The following PRELP variants were observed in gnomAD, a reference collection of about 807,000 sequenced individuals.
The protein encoded by PRELP is proline and arginine rich end leucine rich repeat protein.
PRELP carries 16 observed loss-of-function variants against 22.8 expected under a neutral mutation model. That is an observed-to-expected ratio of 0.70 (90% CI 0.47 to 1.06). PRELP has a LOEUF of 1.06. Ranked by LOEUF, PRELP falls within the 50% of genes least tolerant of loss-of-function variation. The probability of loss-of-function intolerance (pLI) is 0.00; values close to 1 mark genes in which losing one functional copy is unlikely to be tolerated. For missense variants in PRELP, 434 were observed against 485.2 expected, an observed-to-expected ratio of 0.89 and a Z score of 0.99; for synonymous variants, 233 against 211.4, an observed-to-expected ratio of 1.10 and a Z score of -0.89.
intron 2 of PRELP, among the ~76,000 whole-genome samples, chr1:203,485,407 T>A (rs996271206): frequency 5.9e-5 from 9 of 152,148 alleles, no homozygotes; most frequent in African/African-American, 2.2e-4. Flanking sequence ...GCCCACCCCA[T>A]CCAGCCTGTC....
At chr1:203,486,663 C>A (rs750832838) in intron 2 of PRELP, 43 bp from the exon 3 acceptor site, 1 of 1,559,672 alleles carries the variant, frequency 6.4e-7, no homozygotes, top group Admixed American at 1.7e-5. Flanking sequence ...TCTTGGCCGC[C>A]AGCCTCCACT....
In PRELP at chr1:203,486,894, C is replaced by A; in HGVS notation, c.*13C>A. The stretch of plus-strand genomic sequence containing the variant: ...CGTGGTCATCTAGGCCCTACTCCGC[C>A]ACCGGATCTGCTCTGACCGCACTTG... On this transcript the variant is annotated 3_prime_UTR_variant, in exon 3 of 3. Transcript: ENST00000343110. 1.2e-6 allele frequency: 2 copies of A among 1,608,358 alleles called. No homozygotes were observed. The highest frequency in any genetic ancestry group is 4.5e-5 in the East Asian group (2 of 44,626).
At chr1:203,481,477 T>G (rs774107911) in intron 1 of PRELP, among the ~76,000 whole-genome samples, 5 of 152,214 alleles carry the variant, frequency 3.3e-5, no homozygotes, top group Non-Finnish European at 7.3e-5. Flanking sequence ...ACCCTTGCAA[T>G]GTATCTCTGA....
chr1:203,481,330 C>T (rs545894283), intron 1 of PRELP, among the ~76,000 whole-genome samples: 1 of 152,220 alleles, frequency 6.6e-6, no homozygotes, highest in South Asian at 2.1e-4. Context: ...AATTTATATG[C>T]AAGATGACTG....
Position 203,485,742 on chromosome 1 carries a change from C to T in PRELP, c.974-964C>T, listed in dbSNP as rs116448150. Among the ~76,000 whole-genome samples, 592 of 148,454 alleles carry T rather than the reference C, an allele frequency of 4.0e-3. 2 individuals carry two copies. The highest frequency in any genetic ancestry group is 0.014 in the African/African-American group (570 of 40,338). On this transcript the variant is annotated intron_variant, in intron 2 of 2. Coordinates refer to ENST00000343110, the MANE Select transcript of PRELP (RefSeq NM_002725.4). ...AAGACAATTACAATGAAGATGATGC[C>T]TACTCTTCCTCCTCCTGCTCCTCCA... is the stretch of plus-strand genomic sequence containing the variant.
chr1:203,488,968 A>G lies in PRELP; in HGVS notation c.*2087A>G, dbSNP rs1661144584. The G allele has an allele frequency of 6.6e-6, 1 of 152,436 alleles. No individual in the cohort carries two copies. Among genetic ancestry groups the G allele is most frequent in the Non-Finnish European group, 1.5e-5 (1 of 68,048 alleles). 9.4% of individuals were successfully genotyped at this position (152,436 alleles called of 1,614,324 possible). On this transcript the variant is annotated 3_prime_UTR_variant, in exon 3 of 3. Coordinates refer to ENST00000343110, the MANE Select transcript of PRELP (RefSeq NM_002725.4). ...GGGTCCCTAACTTCAAGAAATTCCC[A>G]TTATGCTCCTTCTCACCTTTCTTTT...
At chr1:203,481,780 A>G (rs916913324) in intron 1 of PRELP, among the ~76,000 whole-genome samples, 1 of 152,082 alleles carries the variant, frequency 6.6e-6, no homozygotes, top group Non-Finnish European at 1.5e-5. Context: ...GAGTGTGCAG[A>G]CTGGATCTGC....
intron 2 of PRELP, 68 bp downstream of exon 2, chr1:203,484,225 C>A: frequency 6.4e-7 from 1 of 1,554,916 alleles, no homozygotes. Context: ...TCCACCCTCT[C>A]TAGGGAGACT....
intron 1 of PRELP, among the ~76,000 whole-genome samples, chr1:203,479,706 C>CA (rs397844598): frequency 0.046 from 2,438 of 52,516 alleles, 274 homozygotes; most frequent in Non-Finnish European, 0.061. Flanking sequence ...CCTGTATCAC[C>CA]AAAAAAAAAA....
At chr1:203,478,642 CTG>C (rs1167530574) in intron 1 of PRELP, among the ~76,000 whole-genome samples, 2 of 152,138 alleles carry the variant, frequency 1.3e-5, no homozygotes, top group African/African-American at 4.8e-5. Flanking sequence ...GATAAGAAAA[CTG>C]AGGCCCAGAA....
At chr1:203,476,271 T>A (rs144358329) in intron 1 of PRELP, among the ~76,000 whole-genome samples, 276 of 152,328 alleles carry the variant, frequency 1.8e-3, no homozygotes, top group African/African-American at 6.1e-3. Context: ...CCAGAACCCA[T>A]TTCTTTGCAC....
Position 203,483,571 on chromosome 1 carries a change from A to G in PRELP, c.387A>G (p.Arg129=). ...VESFQNATGL[R]WINLDNNRIR... Reference sequence around the variant, plus strand: ...CCTTCCAGAATGCCACAGGCCTGCGATGGATTAACCTGGACAACAACCGAA... The same window carrying G: ...CCTTCCAGAATGCCACAGGCCTGCGGTGGATTAACCTGGACAACAACCGAA... Residue 129 remains arginine (R), a synonymous_variant, in exon 2 of 3, where the codon CGA becomes CGG. Coordinates refer to ENST00000343110, the MANE Select transcript of PRELP (RefSeq NM_002725.4). The surrounding 1 kb of genome is among the most constrained non-coding windows in gnomAD (Gnocchi z 4.4). 1 of 1,614,226 alleles carries G rather than the reference A, an allele frequency of 6.2e-7. No homozygotes were observed. Among genetic ancestry groups the G allele is most frequent in the Non-Finnish European group, 8.5e-7 (1 of 1,180,048 alleles).
rs1661100457 is a variant in PRELP, at chr1:203,486,822, C to T, written c.1090C>T (p.Pro364Ser). ...YLRLDGNYLK[P>S]PIPLDLMMCF... ...GCGGCTGGATGGAAACTACTTGAAG[C>T]CGCCCATCCCGCTGGACCTCATGAT... The change falls in exon 3 of 3, where the codon CCG becomes TCG. Residue 364 changes from proline to serine, a missense_variant. Pro to Ser is a moderately conservative substitution (Grantham distance 74). Transcript: ENST00000343110. 1 of 1,614,218 alleles carries T rather than the reference C, an allele frequency of 6.2e-7. No individual in the cohort carries two copies. Among genetic ancestry groups the T allele is most frequent in the Non-Finnish European group, 8.5e-7 (1 of 1,180,022 alleles).
At chr1:203,480,218 G>A (rs1349842019) in intron 1 of PRELP, among the ~76,000 whole-genome samples, 1 of 152,250 alleles carries the variant, frequency 6.6e-6, no homozygotes, top group Non-Finnish European at 1.5e-5. Context: ...TGATGGTGGA[G>A]AGCAGAACTG....
In PRELP at chr1:203,486,936, C is replaced by T. The variant is rs1661103932; in HGVS notation, c.*55C>T. 2.7e-6 allele frequency: 4 copies of T among 1,509,120 alleles called. No individual in the cohort carries two copies. Among genetic ancestry groups the T allele is most frequent in the Non-Finnish European group, 1.8e-6 (2 of 1,112,354 alleles). 93.5% of individuals were successfully genotyped at this position (1,509,120 alleles called of 1,614,324 possible). A position where few individuals can be genotyped will look rare whatever the true frequency, so the allele number is the denominator to read the frequency against. On this transcript the variant is annotated 3_prime_UTR_variant, in exon 3 of 3. Transcript: ENST00000343110. The stretch of plus-strand genomic sequence containing the variant: ...CCGCACTTGAAGGCTGGGGCCCAGG[C>T]ACCTGTGCCGGCCATTCGTTTTCTC...
intron 1 of PRELP, among the ~76,000 whole-genome samples, chr1:203,480,129 T>A (rs915923983): frequency 1.3e-5 from 2 of 152,308 alleles, no homozygotes; most frequent in African/African-American, 4.8e-5. Context: ...TAGGAAACGT[T>A]CTTTAATGTG....
At chr1:203,479,518 C>A (rs1660962514) in intron 1 of PRELP, among the ~76,000 whole-genome samples, 1 of 151,668 alleles carries the variant, frequency 6.6e-6, no homozygotes, top group Admixed American at 6.6e-5. Context: ...GCCTGGGCAA[C>A]ATGGTAAAAC....
intron 2 of PRELP, 126 bp downstream of exon 2, chr1:203,484,283 T>C: frequency 7.2e-7 from 1 of 1,389,822 alleles, no homozygotes; most frequent in Non-Finnish European, 9.6e-7. Context: ...TGGACTTCAA[T>C]TCATGGCCTT....
intron 1 of PRELP, among the ~76,000 whole-genome samples, chr1:203,480,710 G>C (rs1403920808): frequency 6.6e-6 from 1 of 152,250 alleles, no homozygotes; most frequent in African/African-American, 2.4e-5. Flanking sequence ...GGAAGGGGAG[G>C]AGAGCAGGCT....
Sources: allele counts gnomAD v4.1 joint callset (sites outside exome capture counted in the v4.1 genomes callset), GRCh38; gene constraint gnomAD v4.1.1; non-coding constraint Gnocchi (gnomAD v3.1); transcripts MANE v1.5; gene names NCBI Gene and HGNC (gene_info 2026-07-23, HGNC 2026-07-21).